The following MTOR variants were observed in gnomAD, a reference collection of about 807,000 sequenced individuals.
MTOR encodes the protein serine/threonine-protein kinase mTOR.
MTOR carries 70 observed loss-of-function variants against 319.8 expected under a neutral mutation model. That is an observed-to-expected ratio of 0.22 (90% CI 0.18 to 0.27). MTOR has a LOEUF of 0.27. MTOR is among the 10% of genes least tolerant of loss of function. MTOR has a pLI of 1.00. For synonymous variants in MTOR, 1,183 were observed against 1,211.4 expected (o/e 0.98, Z 0.49); for missense variants, 1,890 against 3,274.4 (o/e 0.58, Z 10.32).
At position 11,126,704 on chromosome 1, in the gene MTOR, C is replaced by T. The variant is rs1410038355; in HGVS notation, c.6444G>A (p.Gln2148=). Residue 2148 remains glutamine (Q), a synonymous_variant, in exon 46 of 58, where the codon CAG becomes CAA. Transcript: ENST00000361445. ...CTATGGACTGAATGCGAATGATTGGCTGGTTGGGGTCATATGTTCCTGGCA... is the reference window on the plus strand; with the variant it reads ...CTATGGACTGAATGCGAATGATTGGTTGGTTGGGGTCATATGTTCCTGGCA... ...LAVPGTYDPN[Q]PIIRIQSIAP... 5.0e-6 allele frequency: 8 copies of T among 1,613,876 alleles called. No homozygotes were observed. The highest frequency in any genetic ancestry group is 6.8e-6 in the Non-Finnish European group (8 of 1,180,024).
intron 8 of MTOR, among the ~76,000 whole-genome samples, chr1:11,247,305 C>T (rs1346986350): frequency 6.6e-6 from 1 of 152,212 alleles, no homozygotes; most frequent in Non-Finnish European, 1.5e-5. Context: ...ACTCACAAAG[C>T]TTTGACGTAG....
intron 30 of MTOR, among the ~76,000 whole-genome samples, chr1:11,153,459 T>C (rs1054161710): frequency 1.3e-5 from 2 of 152,222 alleles, no homozygotes; most frequent in African/African-American, 4.8e-5. Flanking sequence ...CAGTGAAACA[T>C]TGCAGTATTT....
Position 11,146,717 on chromosome 1 carries a change from C to T in MTOR, c.4645G>A (p.Val1549Met). The change falls in exon 32 of 58, where the codon GTG (valine) becomes ATG (methionine). Residue 1549 changes from valine (V) to methionine (M), a missense_variant. Coordinates refer to ENST00000361445, the MANE Select transcript of MTOR (RefSeq NM_004958.4). The stretch of plus-strand genomic sequence containing the variant: ...AAGAGGTCCTGATGCAGTGCCAGCA[C>T]AGCTCTATAAAATGCCCCATCATGG... ...DTHDGAFYRA[V>M]LALHQDLFSL... 1 of 1,614,106 alleles carries T rather than the reference C, an allele frequency of 6.2e-7. No homozygotes were observed. Among genetic ancestry groups the T allele is most frequent in the Non-Finnish European group, 8.5e-7 (1 of 1,180,020 alleles).
intron 21 of MTOR, 104 bp from the exon 22 acceptor site, chr1:11,213,012 G>A (rs1646359587): frequency 1.2e-6 from 1 of 820,614 alleles, no homozygotes; most frequent in African/African-American, 1.7e-5. Flanking sequence ...CTGGGGACTG[G>A]GAAAACTCTT....
intron 10 of MTOR, among the ~76,000 whole-genome samples, chr1:11,240,930 T>C (rs1192187751): frequency 1.3e-5 from 2 of 152,076 alleles, no homozygotes; most frequent in African/African-American, 4.8e-5. Context: ...TATTGAGTAC[T>C]TCCTATATGC....
rs578112838 is a variant in MTOR, at chr1:11,182,175, C to A, written c.4254-14658G>T. The stretch of plus-strand genomic sequence containing the variant: ...GAGGTTGCAGTGAGCTGAGATTGCG[C>A]CACTGCGCTCCAGCCTGGGCAATAA... On this transcript the variant is annotated intron_variant, in intron 28 of 57. Transcript: ENST00000361445. 8.6e-5 allele frequency among the ~76,000 whole-genome samples: 13 copies of A among 151,988 alleles called. No homozygotes were observed. In the East Asian group the frequency reaches 1.9e-3, roughly 23 times the overall value.
In MTOR at chr1:11,118,356, C is replaced by T. The variant is rs192796683; in HGVS notation, c.6934-1270G>A. Among the ~76,000 whole-genome samples the T allele has an allele frequency of 3.3e-3, 293 of 89,986 alleles. 3 individuals carry two copies. The highest frequency in any genetic ancestry group is 7.2e-3 in the African/African-American group (277 of 38,594). 59.0% of individuals were successfully genotyped at this position (89,986 alleles called of 152,430 possible). A position where few individuals can be genotyped will look rare whatever the true frequency, so the allele number is the denominator to read the frequency against. ...GGTTCAAGCGATTCTCCTGCCTCAG[C>T]CTCCTGAGTAGCTAGGATAACAGGC... On this transcript the variant is annotated intron_variant, in intron 49 of 57. Coordinates refer to ENST00000361445, the MANE Select transcript of MTOR (RefSeq NM_004958.4).
At chr1:11,118,086 T>A (rs1470444434) in intron 49 of MTOR, among the ~76,000 whole-genome samples, 1 of 150,196 alleles carries the variant, frequency 6.7e-6, no homozygotes, top group African/African-American at 2.5e-5. Context: ...TCTCAAAAAA[T>A]AAAATTAAAA....
intron 19 of MTOR, 116 bp downstream of exon 19, chr1:11,228,552 G>T: frequency 7.3e-7 from 1 of 1,363,240 alleles, no homozygotes; most frequent in Non-Finnish European, 1.0e-6. Context: ...TAAGGGGGAG[G>T]AAGGCATTGG....
Position 11,117,046 on chromosome 1 carries a change from G to A in MTOR, c.6974C>T (p.Ala2325Val), listed in dbSNP as rs1135176. Residue 2325 changes from alanine to valine, a missense_variant, in exon 50 of 58, where the codon GCG (alanine) becomes GTG (valine). Ala to Val is a moderately conservative substitution (Grantham distance 64, BLOSUM62 0). This residue lies in a region of MTOR where 249 missense variants were observed against 596.2 expected (regional missense o/e 0.42). Coordinates refer to ENST00000361445, the MANE Select transcript of MTOR (RefSeq NM_004958.4). Reference sequence around the variant, plus strand: ...AATATACCCAACCATTGACATGACCGCTAAAGAACGGGTATAATTGGTTCT... The same window carrying A: ...AATATACCCAACCATTGACATGACCACTAAAGAACGGGTATAATTGGTTCT... ...DRRTNYTRSL[A>V]VMSMVGYILG... 1 of 1,613,040 alleles carries A rather than the reference G, an allele frequency of 6.2e-7. No homozygotes were observed. The highest frequency in any genetic ancestry group is 8.5e-7 in the Non-Finnish European group (1 of 1,179,796).
intron 30 of MTOR, among the ~76,000 whole-genome samples, chr1:11,151,358 C>A (rs1440091135): frequency 1.3e-5 from 2 of 152,184 alleles, no homozygotes; most frequent in Non-Finnish European, 2.9e-5. Flanking sequence ...AAAAGAGGAA[C>A]TGGTGGCCAT....
chr1:11,166,193 C>T (rs1644638677), intron 29 of MTOR, among the ~76,000 whole-genome samples: 1 of 152,172 alleles, frequency 6.6e-6, no homozygotes, highest in African/African-American at 2.4e-5. Context: ...TGGGCAAGGA[C>T]TTCACGTCTA....
chr1:11,109,464 A>G lies in MTOR; in HGVS notation c.7448-94T>C. 1.6e-6 allele frequency: 2 copies of G among 1,287,356 alleles called. No individual in the cohort carries two copies. Among genetic ancestry groups the G allele is most frequent in the South Asian group, 2.5e-5 (2 of 79,198 alleles). 79.7% of individuals were successfully genotyped at this position (1,287,356 alleles called of 1,614,324 possible). ...TTTTTCTCAAATATTCACTTTTGTA[A>G]GTGTTAAGCAATCCTTCCTCTATGT... On this transcript the variant is annotated intron_variant, in intron 55 of 57. Transcript: ENST00000361445. This position sits in a 1 kb window ranked among gnomAD's most constrained non-coding sequence, Gnocchi z 4.0.
chr1:11,212,668 C>T lies in MTOR; in HGVS notation c.3398+128G>A. ...AGATTTCCATAAACCTGGGATATTT[C>T]TAGACTAAAATAATGTGAGTTGAAA... On this transcript the variant is annotated intron_variant, in intron 22 of 57. Coordinates refer to ENST00000361445, the MANE Select transcript of MTOR (RefSeq NM_004958.4). This position sits in a 1 kb window ranked among gnomAD's most constrained non-coding sequence, Gnocchi z 4.1. 7.3e-6 allele frequency: 8 copies of T among 1,088,668 alleles called. No individual in the cohort carries two copies. The highest frequency in any genetic ancestry group is 1.3e-6 in the Non-Finnish European group (1 of 742,898). The allele number at this position is 1,088,668 out of a possible 1,614,324, so 67.4% of individuals were successfully genotyped here.
chr1:11,204,841 T>A (rs567996647), intron 25 of MTOR, 138 bp from the exon 26 acceptor site: 2 of 1,021,414 alleles, frequency 2.0e-6, no homozygotes, highest in Non-Finnish European at 1.4e-6. Flanking sequence ...AGAGTACAAA[T>A]ACAAAAGAAT....
intron 9 of MTOR, among the ~76,000 whole-genome samples, chr1:11,242,082 G>A (rs1289201973): frequency 6.6e-6 from 1 of 152,168 alleles, no homozygotes. Flanking sequence ...TTTAGAATGG[G>A]GCCAGGCGCA....
In MTOR at chr1:11,233,218, C is replaced by T. The variant is rs568110362; in HGVS notation, c.2421+180G>A. On this transcript the variant is annotated intron_variant, in intron 15 of 57. Coordinates refer to ENST00000361445, the MANE Select transcript of MTOR (RefSeq NM_004958.4). ...TGTCACCACTATCTGGAGAGTTGGA[C>T]ATGTTTTATTGAGAATATATTATTT... is the stretch of plus-strand genomic sequence containing the variant. 1.1e-3 allele frequency: 898 copies of T among 816,208 alleles called. 3 individuals are homozygous for T. Among genetic ancestry groups the T allele is most frequent in the Non-Finnish European group, 1.5e-3 (731 of 501,364 alleles). The allele number at this position is 816,208 out of a possible 1,614,324, so 50.6% of individuals were successfully genotyped here.
rs770410760 is a variant in MTOR at position 11,241,616 on chromosome 1, A to G, written c.1478T>C (p.Met493Thr). 3 of 1,614,074 alleles carry G rather than the reference A, an allele frequency of 1.9e-6. No homozygotes were observed. Among genetic ancestry groups the G allele is most frequent in the South Asian group, 2.2e-5 (2 of 91,078 alleles). ...FTCISMLARA[M>T]GPGIQQDIKE... ...GATATCCTGCTGGATGCCTGGCCCC[A>G]TTGCTCGAGCCAGCATGCTGATGCA... The change falls in exon 10 of 58, where the codon ATG becomes ACG. Residue 493 changes from methionine to threonine, a missense_variant. This residue lies in a region of MTOR where 418 missense variants were observed against 543.1 expected (regional missense o/e 0.77). Coordinates refer to ENST00000361445, the MANE Select transcript of MTOR (RefSeq NM_004958.4).
At chr1:11,222,181 T>A (rs1183928904) in intron 19 of MTOR, among the ~76,000 whole-genome samples, 3 of 151,928 alleles carry the variant, frequency 2.0e-5, no homozygotes, top group South Asian at 2.1e-4. Flanking sequence ...AGTTCTTTTT[T>A]AAAATTTATT....
Sources: gnomAD v4.1 joint callset for allele counts (sites outside exome capture counted in the v4.1 genomes callset) on GRCh38, gnomAD v4.1.1 for gene constraint, gnomAD v4.1.1 regional missense constraint, Gnocchi (gnomAD v3.1) non-coding constraint, MANE v1.5 for transcripts, NCBI Gene and HGNC (gene_info 2026-07-23, HGNC 2026-07-21) for gene names.